ASIC2: variants seen among roughly 807,000 people sequenced by gnomAD.
ASIC2 encodes acid-sensing ion channel 2.
ASIC2 carries 25 observed loss-of-function variants against 57.3 expected under a neutral mutation model. The ratio of observed to expected loss-of-function variants is 0.44; its 90% CI spans 0.32 to 0.61. The LOEUF is 0.61. Ranked by LOEUF, ASIC2 falls within the 20% of genes least tolerant of loss-of-function variation. ASIC2 has a pLI of 0.06. For synonymous variants in ASIC2, 319 were observed against 307.5 expected, an observed-to-expected ratio of 1.04 and a Z score of -0.39; for missense variants, 641 against 738.1, an observed-to-expected ratio of 0.87 and a Z score of 1.52.
At chr17:34,009,364 C>T (rs1453514534) in intron 1 of ASIC2, among the ~76,000 whole-genome samples, 2 of 152,160 alleles carry the variant, frequency 1.3e-5, no homozygotes, top group African/African-American at 4.8e-5. Flanking sequence ...TTATTGAGCG[C>T]CTGCAGTGTG....
intron 1 of ASIC2, chr17:34,041,299 G>C (rs963875180): frequency 7.9e-5 from 12 of 152,080 alleles, no homozygotes; most frequent in Non-Finnish European, 8.8e-5. Flanking sequence ...AGACTGGTTG[G>C]AGAGCCCAGG....
At chr17:33,575,260 T>C (rs1024313323) in intron 1 of ASIC2, among the ~76,000 whole-genome samples, 6 of 152,340 alleles carry the variant, frequency 3.9e-5, no homozygotes, top group Non-Finnish European at 7.3e-5. Flanking sequence ...CAAACAGCAC[T>C]GAGTCCCCAG....
At chr17:33,540,862 C>T (rs1915386817) in intron 1 of ASIC2, among the ~76,000 whole-genome samples, 1 of 152,194 alleles carries the variant, frequency 6.6e-6, no homozygotes, top group Non-Finnish European at 1.5e-5. Context: ...AGAGCTGTCC[C>T]TTCATTTATA....
chr17:33,556,273 A>G (rs989464932), intron 1 of ASIC2, among the ~76,000 whole-genome samples: 12 of 152,226 alleles, frequency 7.9e-5, no homozygotes, highest in Non-Finnish European at 1.0e-4. Flanking sequence ...AGCAAGTTAC[A>G]CAATGAACTG....
intron 1 of ASIC2, among the ~76,000 whole-genome samples, chr17:33,188,914 A>G (rs964936272): frequency 3.3e-5 from 5 of 152,208 alleles, no homozygotes; most frequent in Non-Finnish European, 7.3e-5. Flanking sequence ...AGTCTCTTTA[A>G]AAGATTATTT....
intron 1 of ASIC2, among the ~76,000 whole-genome samples, chr17:33,839,316 G>A (rs1198623526): frequency 6.6e-6 from 1 of 152,214 alleles, no homozygotes; most frequent in East Asian, 1.9e-4. Context: ...GGAACATTGG[G>A]TGAAGGCTAG....
intron 1 of ASIC2, among the ~76,000 whole-genome samples, chr17:33,457,650 A>G (rs1440754965): frequency 6.6e-6 from 1 of 152,186 alleles, no homozygotes; most frequent in Non-Finnish European, 1.5e-5. Context: ...GCTGCTGATG[A>G]TGATGATGGC....
chr17:34,114,695 G>A (rs1170659423), intron 1 of ASIC2, among the ~76,000 whole-genome samples: 2 of 152,146 alleles, frequency 1.3e-5, no homozygotes, highest in Non-Finnish European at 2.9e-5. Flanking sequence ...AGGGTTAAGT[G>A]TTATCCTGAG....
chr17:34,146,882 T>A (rs146964538), intron 1 of ASIC2: 6 of 152,338 alleles, frequency 3.9e-5, no homozygotes, highest in Non-Finnish European at 8.8e-5. Context: ...CTGCAAACTT[T>A]GAGTCAGAAT....
chr17:33,107,480 A>T (rs1027120642), intron 2 of ASIC2, among the ~76,000 whole-genome samples: 1 of 152,120 alleles, frequency 6.6e-6, no homozygotes, highest in Non-Finnish European at 1.5e-5. Flanking sequence ...CAAACTCCTG[A>T]TGTTCCATAG....
intron 1 of ASIC2, among the ~76,000 whole-genome samples, chr17:34,124,462 T>C (rs908981312): frequency 1.8e-4 from 28 of 152,226 alleles, no homozygotes; most frequent in Non-Finnish European, 3.1e-4. Context: ...TCCTTATTTA[T>C]GGCTCAGACT....
chr17:33,864,696 C>T (rs114529782), intron 1 of ASIC2, among the ~76,000 whole-genome samples: 1 of 152,068 alleles, frequency 6.6e-6, no homozygotes, highest in African/African-American at 2.4e-5. Context: ...GTGGCAGGTG[C>T]CTTGGTGGTG....
intron 2 of ASIC2, among the ~76,000 whole-genome samples, chr17:33,090,529 C>T (rs2092153563): frequency 1.3e-5 from 2 of 148,274 alleles, no homozygotes; most frequent in Admixed American, 6.8e-5. Context: ...GGAATGTTCT[C>T]AAAGAAAAAA....
intron 1 of ASIC2, among the ~76,000 whole-genome samples, chr17:33,403,225 T>G (rs1252808469): frequency 6.6e-6 from 1 of 152,208 alleles, no homozygotes; most frequent in Non-Finnish European, 1.5e-5. Flanking sequence ...CTTTAGCATC[T>G]TTAGCAGAAT....
In ASIC2 at chr17:33,544,767, T is replaced by C. The variant is rs191212852; in HGVS notation, c.556-432700A>G. 2.6e-5 allele frequency among the ~76,000 whole-genome samples: 4 copies of C among 152,166 alleles called. No individual in the cohort carries two copies. In the South Asian group the frequency reaches 6.2e-4, roughly 24 times the overall value. The stretch of plus-strand genomic sequence containing the variant: ...CCCATATATCACCCTTATACATACA[T>C]AAAATGGAAAATACAAATGAAAAAA... On this transcript the variant is annotated intron_variant, in intron 1 of 9. Coordinates refer to the ASIC2 transcript ENST00000359872.
chr17:33,442,771 C>A (rs189499584), intron 1 of ASIC2, among the ~76,000 whole-genome samples: 1 of 151,628 alleles, frequency 6.6e-6, no homozygotes, highest in Admixed American at 6.6e-5. Flanking sequence ...CTGCTAATTT[C>A]TTTTTCTTGC....
intron 1 of ASIC2, among the ~76,000 whole-genome samples, chr17:33,894,341 G>A (rs1915036742): frequency 3.3e-5 from 1 of 30,232 alleles, no homozygotes; most frequent in Non-Finnish European, 6.7e-5. Flanking sequence ...GTGCGTGCGT[G>A]CGTGCGTGCG....
intron 3 of ASIC2, among the ~76,000 whole-genome samples, chr17:33,034,019 C>G (rs1396268381): frequency 6.6e-6 from 1 of 152,060 alleles, no homozygotes; most frequent in Non-Finnish European, 1.5e-5. Context: ...TGTACCCTCT[C>G]CACTGAGAGC....
intron 1 of ASIC2, among the ~76,000 whole-genome samples, chr17:33,488,438 A>G (rs1311359846): frequency 1.3e-5 from 2 of 152,230 alleles, no homozygotes; most frequent in Non-Finnish European, 2.9e-5. Flanking sequence ...GGTCACCTCT[A>G]TCAAATTCTG....
Sources: allele counts gnomAD v4.1 joint callset (sites outside exome capture counted in the v4.1 genomes callset), GRCh38; gene constraint gnomAD v4.1.1; transcripts MANE v1.5; gene names NCBI Gene and HGNC (gene_info 2026-07-23, HGNC 2026-07-21).